Variants in VPS13B observed in about 807,000 individuals in gnomAD.
The protein encoded by VPS13B is vacuolar protein sorting 13 homolog B.
VPS13B carries 285 observed loss-of-function variants against 426.4 expected under a neutral mutation model. That is an observed-to-expected ratio of 0.67 (90% CI 0.61 to 0.74). The LOEUF (loss-of-function observed/expected upper bound fraction) is 0.74. Ranked by LOEUF, VPS13B falls within the 30% of genes least tolerant of loss-of-function variation. The pLI is 0.00. For missense variants in VPS13B, 4,537 were observed against 4,782.6 expected (o/e 0.95, Z 1.51); for synonymous variants, 1,676 against 1,676.4 (o/e 1.00, Z 0.01).
At chr8:99,637,020 T>C (rs1190105688) in intron 33 of VPS13B, among the ~76,000 whole-genome samples, 3 of 152,060 alleles carry the variant, frequency 2.0e-5, no homozygotes, top group African/African-American at 7.2e-5. Flanking sequence ...GTAACAGCAC[T>C]GCCCAGAGAT....
At chr8:99,539,974 C>A (rs1264156500) in intron 30 of VPS13B, among the ~76,000 whole-genome samples, 3 of 92,926 alleles carry the variant, frequency 3.2e-5, no homozygotes, top group Non-Finnish European at 6.1e-5. Flanking sequence ...TATAAAAATG[C>A]TTATAGAAAT....
intron 16 of VPS13B, among the ~76,000 whole-genome samples, chr8:99,178,614 T>G (rs987002115): frequency 2.0e-5 from 3 of 151,990 alleles, no homozygotes; most frequent in Non-Finnish European, 4.4e-5. Context: ...TTATTTATTT[T>G]ATTTTATTTT....
intron 30 of VPS13B, among the ~76,000 whole-genome samples, chr8:99,544,512 G>A (rs4735620): frequency 0.26 from 40,125 of 151,898 alleles, 6,054 homozygotes; most frequent in East Asian, 0.45. Flanking sequence ...TAATTCAGCC[G>A]TAATTATTAT....
chr8:99,533,560 T>C lies in VPS13B; in HGVS notation c.4745+12550T>C, dbSNP rs189699779. On this transcript the variant is annotated intron_variant, in intron 30 of 61. Coordinates refer to ENST00000357162, the MANE Select transcript of VPS13B (RefSeq NM_152564.5). ...TTGAGATTAACTAAATTTTTTGTCT[T>C]GTTTTACATATATACTTTAACAGTT... Among the ~76,000 whole-genome samples, 3 of 152,324 alleles carry C rather than the reference T, an allele frequency of 2.0e-5. No homozygotes were observed. In the East Asian group the frequency reaches 5.8e-4, roughly 29 times the overall value.
At chr8:99,556,720 A>G (rs2133765212) in intron 31 of VPS13B, 67 bp downstream of exon 31, 2 of 1,534,882 alleles carry the variant, frequency 1.3e-6, no homozygotes, top group East Asian at 2.3e-5. Context: ...TGGTGATACA[A>G]TCTTTAGCAT....
chr8:99,573,352 T>C (rs955240132), intron 31 of VPS13B, among the ~76,000 whole-genome samples: 14 of 152,208 alleles, frequency 9.2e-5, no homozygotes, highest in African/African-American at 3.4e-4. Flanking sequence ...GCTTTTGTTG[T>C]TTTAGACATG....
chr8:99,785,673 T>A (rs1459251672), intron 43 of VPS13B, among the ~76,000 whole-genome samples: 1 of 152,210 alleles, frequency 6.6e-6, no homozygotes, highest in East Asian at 1.9e-4. Flanking sequence ...GGATGTTTTA[T>A]TTGTTTCAAA....
chr8:99,481,624 A>G lies in VPS13B; in HGVS notation c.3692A>G (p.Asp1231Gly), dbSNP rs1289522615. 1.4e-5 allele frequency: 23 copies of G among 1,613,764 alleles called. No homozygotes were observed. Among genetic ancestry groups the G allele is most frequent in the Middle Eastern group, 1.6e-4 (1 of 6,074 alleles). Residue 1231 changes from aspartate to glycine, a missense_variant, in exon 25 of 62, where the codon GAT becomes GGT. Asp to Gly is a moderately conservative substitution (Grantham distance 94). This residue lies in a region of VPS13B where 4,311 missense variants were observed against 4,474.3 expected (regional missense o/e 0.96). Transcript: ENST00000357162. Reference sequence around the variant, plus strand: ...GTCCAGCTCTTCTATGAACTAACTGATATCATGAATAAGGTCTGGAACAAG... The same window carrying G: ...GTCCAGCTCTTCTATGAACTAACTGGTATCATGAATAAGGTCTGGAACAAG... The part of the protein sequence containing the change: ...PQVQLFYELT[D>G]IMNKVWNKIQ...
At chr8:99,173,359 A>G (rs943913262) in intron 16 of VPS13B, among the ~76,000 whole-genome samples, 2 of 152,140 alleles carry the variant, frequency 1.3e-5, no homozygotes, top group African/African-American at 4.8e-5. Context: ...ACACCAGGGT[A>G]AATTCTTTTA....
intron 17 of VPS13B, among the ~76,000 whole-genome samples, chr8:99,245,920 A>T (rs1479107484): frequency 5.9e-5 from 9 of 152,218 alleles, no homozygotes; most frequent in Admixed American, 5.2e-4. Context: ...TAACATTAGG[A>T]AATTGTTCTT....
At chr8:99,233,408 G>A (rs1816458154) in intron 17 of VPS13B, 4 of 1,175,318 alleles carry the variant, frequency 3.4e-6, no homozygotes, top group Non-Finnish European at 2.6e-6. Flanking sequence ...GCTCTGGCGA[G>A]TCTTGCCAGC....
intron 33 of VPS13B, among the ~76,000 whole-genome samples, chr8:99,604,496 T>C (rs2667459): frequency 8.9e-6 from 1 of 112,932 alleles, no homozygotes; most frequent in African/African-American, 3.8e-5. Flanking sequence ...TTCCTTGGTG[T>C]TTTTTTTTTT....
intron 45 of VPS13B, 135 bp downstream of exon 45, chr8:99,817,938 C>T: frequency 7.6e-7 from 1 of 1,321,364 alleles, no homozygotes; most frequent in South Asian, 1.3e-5. Context: ...TTGAATAGTA[C>T]TTCTCAAACT....
chr8:99,832,457 A>G lies in VPS13B; in HGVS notation c.9419A>G (p.Asp3140Gly). Residue 3140 changes from aspartate to glycine, a missense_variant, in exon 52 of 62, where the codon GAC becomes GGC. By Grantham distance (94) the Asp-to-Gly change is moderately conservative. This residue lies in a region of VPS13B where 4,311 missense variants were observed against 4,474.3 expected (regional missense o/e 0.96). Transcript: ENST00000357162. ...AMKSSSLPCW[D>G]LMPDISQSVL... Reference sequence around the variant, plus strand: ...AAATCCAGCTCCCTTCCTTGCTGGGACTTGATGCCTGACATCAGTCAGTCA... The same window carrying G: ...AAATCCAGCTCCCTTCCTTGCTGGGGCTTGATGCCTGACATCAGTCAGTCA... 1 of 1,604,056 alleles carries G rather than the reference A, an allele frequency of 6.2e-7. No homozygotes were observed. Among genetic ancestry groups the G allele is most frequent in the Non-Finnish European group, 8.5e-7 (1 of 1,177,976 alleles).
intron 12 of VPS13B, among the ~76,000 whole-genome samples, chr8:99,138,067 C>A (rs1027130657): frequency 6.6e-6 from 1 of 152,166 alleles, no homozygotes; most frequent in Non-Finnish European, 1.5e-5. Flanking sequence ...CAGATGATAA[C>A]AGTGGTATCA....
At chr8:99,761,630 CA>C (rs1360687758) in intron 39 of VPS13B, among the ~76,000 whole-genome samples, 1 of 152,116 alleles carries the variant, frequency 6.6e-6, no homozygotes, top group Non-Finnish European at 1.5e-5. Context: ...ATGCTGGAAA[CA>C]AGTATTTTTT....
At chr8:99,409,154 G>A (rs367787184) in intron 21 of VPS13B, among the ~76,000 whole-genome samples, 1 of 152,104 alleles carries the variant, frequency 6.6e-6, no homozygotes, top group Non-Finnish European at 1.5e-5. Flanking sequence ...GTTTTAGGAA[G>A]ATAAAGATTT....
intron 40 of VPS13B, among the ~76,000 whole-genome samples, chr8:99,775,550 A>G (rs759404626): frequency 2.0e-5 from 3 of 152,178 alleles, no homozygotes; most frequent in Non-Finnish European, 4.4e-5. Context: ...AGCAGCCACC[A>G]TGTGCAGACA....
chr8:99,782,756 G>T (rs568741218), intron 42 of VPS13B, among the ~76,000 whole-genome samples: 1 of 152,202 alleles, frequency 6.6e-6, no homozygotes, highest in South Asian at 2.1e-4. Context: ...GGAGGCATGG[G>T]CAGGGGCTGG....
Sources: allele counts gnomAD v4.1 joint callset (sites outside exome capture counted in the v4.1 genomes callset), GRCh38; gene constraint gnomAD v4.1.1; regional missense constraint gnomAD v4.1.1; transcripts MANE v1.5; gene names NCBI Gene and HGNC (gene_info 2026-07-23, HGNC 2026-07-21).